The following LIMK2 variants were observed in gnomAD, a reference collection of about 807,000 sequenced individuals.
LIMK2 encodes LIM domain kinase 2.
Under a neutral mutation model 75.7 loss-of-function variants are expected in LIMK2, and 35 were observed. The observed-to-expected ratio is 0.46, with a 90% confidence interval of 0.35 to 0.61. The LOEUF (loss-of-function observed/expected upper bound fraction) is 0.61. LIMK2 is among the 20% of genes least tolerant of loss of function. LIMK2 has a pLI of 0.00. For missense variants in LIMK2, 623 were observed against 831.0 expected, an observed-to-expected ratio of 0.75 and a Z score of 3.08; for synonymous variants, 301 against 319.2, an observed-to-expected ratio of 0.94 and a Z score of 0.61.
chr22:31,262,652 C>T lies in LIMK2; in HGVS notation c.715C>T (p.Pro239Ser). Residue 239 changes from proline to serine, a missense_variant, in exon 7 of 16, where the codon CCC becomes TCC. Pro to Ser is a moderately conservative substitution (Grantham distance 74). Transcript: ENST00000331728. The surrounding 1 kb of genome is among the most constrained non-coding windows in gnomAD (Gnocchi z 5.0). ...QTLQLLIEHD[P>S]VSQRLDQLRL... The stretch of plus-strand genomic sequence containing the variant: ...ACTTCAGCTGTTGATTGAACATGAC[C>T]CCGTCTCCCAACGCCTGGACCAGCT... The T allele has an allele frequency of 1.9e-6, 3 of 1,614,156 alleles. No homozygotes were observed. Among genetic ancestry groups the T allele is most frequent in the Non-Finnish European group, 2.5e-6 (3 of 1,180,016 alleles).
chr22:31,262,715 G>A lies in LIMK2; in HGVS notation c.778G>A (p.Ala260Thr). Residue 260 changes from alanine (A) to threonine (T), a missense_variant, in exon 7 of 16, where the codon GCC becomes ACC. Ala to Thr is a moderately conservative substitution (Grantham distance 58). This residue lies in a region of LIMK2 where 514 missense variants were observed against 661.3 expected (regional missense o/e 0.78). Coordinates refer to ENST00000331728, the MANE Select transcript of LIMK2 (RefSeq NM_005569.4). This position sits in a 1 kb window ranked among gnomAD's most constrained non-coding sequence, Gnocchi z 5.0. The stretch of plus-strand genomic sequence containing the variant: ...CCGGCTCGCTCCTCACATGCAGAAT[G>A]CCGGACACCCCCACGCCCTCAGCAC... The part of the protein sequence containing the change: ...EARLAPHMQN[A>T]GHPHALSTLD... The A allele has an allele frequency of 1.2e-6, 2 of 1,614,204 alleles. No individual in the cohort carries two copies. The highest frequency in any genetic ancestry group is 1.7e-6 in the Non-Finnish European group (2 of 1,180,036).
At chr22:31,263,371 A>T (rs1340839323) in intron 7 of LIMK2, among the ~76,000 whole-genome samples, 2 of 152,190 alleles carry the variant, frequency 1.3e-5, no homozygotes, top group Non-Finnish European at 2.9e-5. Flanking sequence ...TCCTCCCTTC[A>T]CAAATCACTT....
At chr22:31,224,027 C>T (rs982800436) in intron 1 of LIMK2, among the ~76,000 whole-genome samples, 8 of 152,130 alleles carry the variant, frequency 5.3e-5, no homozygotes, top group Non-Finnish European at 1.0e-4. Context: ...AAACAGGGTT[C>T]GGTGACTGTC....
intron 2 of LIMK2, among the ~76,000 whole-genome samples, chr22:31,245,503 T>C (rs984367042): frequency 1.1e-4 from 16 of 152,176 alleles, no homozygotes; most frequent in Non-Finnish European, 2.9e-5. Flanking sequence ...GGTTTCTCCA[T>C]GTTGGTCAGG....
At chr22:31,215,245 C>A (rs2048380627) in intron 1 of LIMK2, among the ~76,000 whole-genome samples, 1 of 152,216 alleles carries the variant, frequency 6.6e-6, no homozygotes, top group African/African-American at 2.4e-5. Context: ...ATGAAGTTGA[C>A]TATGGAGTCT....
chr22:31,245,583 T>G (rs1405286985), intron 2 of LIMK2, among the ~76,000 whole-genome samples: 1 of 152,126 alleles, frequency 6.6e-6, no homozygotes, highest in Non-Finnish European at 1.5e-5. Flanking sequence ...ATTACAGGCG[T>G]GAGCCACCAT....
chr22:31,217,382 G>A, intron 1 of LIMK2, among the ~76,000 whole-genome samples: 1 of 151,300 alleles, frequency 6.6e-6, no homozygotes, highest in East Asian at 1.9e-4. Context: ...GGGTGACAGA[G>A]CGAGACTCCG....
intron 12 of LIMK2, among the ~76,000 whole-genome samples, chr22:31,271,511 TAAA>T (rs985303654): frequency 3.9e-5 from 6 of 152,220 alleles, no homozygotes; most frequent in African/African-American, 1.4e-4. Context: ...AGTAGTCTTG[TAAA>T]ACAGTTCATT....
chr22:31,261,815 C>T (rs369339243), intron 5 of LIMK2, among the ~76,000 whole-genome samples: 32 of 152,054 alleles, frequency 2.1e-4, no homozygotes, highest in Non-Finnish European at 2.9e-4. Flanking sequence ...AAGCTATTAC[C>T]GTGATCCAGG....
intron 2 of LIMK2, among the ~76,000 whole-genome samples, chr22:31,234,117 A>T (rs539776906): frequency 6.6e-5 from 10 of 151,974 alleles, no homozygotes; most frequent in Admixed American, 5.2e-4. Context: ...GGTTTAAGCA[A>T]TTCTCCTGCC....
chr22:31,275,126 A>G (rs1008532519), intron 14 of LIMK2, 25 bp from the exon 15 acceptor site: 3 of 1,612,752 alleles, frequency 1.9e-6, no homozygotes, highest in African/African-American at 2.7e-5. Flanking sequence ...AGTCCTTTGT[A>G]AACAGCTGTC....
At chr22:31,274,443 C>T (rs1658134776) in intron 14 of LIMK2, among the ~76,000 whole-genome samples, 1 of 152,140 alleles carries the variant, frequency 6.6e-6, no homozygotes, top group Admixed American at 6.5e-5. Context: ...CTCTGTCACC[C>T]AGGCTGGAGT....
chr22:31,213,235 A>C (rs548969167), intron 1 of LIMK2, among the ~76,000 whole-genome samples: 2 of 152,252 alleles, frequency 1.3e-5, no homozygotes, highest in East Asian at 1.9e-4. Context: ...GAGTTGGGTT[A>C]GTTGCACCTG....
In LIMK2 at chr22:31,212,378, T is replaced by A; in HGVS notation, c.-31T>A. On this transcript the variant is annotated 5_prime_UTR_variant, in exon 1 of 16. Transcript: ENST00000331728. ...GAGGGGAGCTGCTGTGTCCCCCGCC[T>A]CCTCCTCCCCATTTCCGCGCTCCCG... is the stretch of plus-strand genomic sequence containing the variant. 7.5e-7 allele frequency: 1 copy of A among 1,335,778 alleles called. No individual in the cohort carries two copies. The highest frequency in any genetic ancestry group is 9.7e-7 in the Non-Finnish European group (1 of 1,033,826). 82.7% of individuals were successfully genotyped at this position (1,335,778 alleles called of 1,614,324 possible).
intron 2 of LIMK2, among the ~76,000 whole-genome samples, chr22:31,244,415 A>G (rs2048648738): frequency 6.6e-6 from 1 of 152,164 alleles, no homozygotes; most frequent in African/African-American, 2.4e-5. Context: ...GGTGAGAAAT[A>G]GTTGTCTGTG....
intron 2 of LIMK2, among the ~76,000 whole-genome samples, chr22:31,243,511 C>G (rs2048641288): frequency 6.6e-6 from 1 of 152,202 alleles, no homozygotes; most frequent in African/African-American, 2.4e-5. Context: ...TGAACATTCA[C>G]TTGGGGCTGC....
chr22:31,235,742 A>G (rs752905420), intron 2 of LIMK2, among the ~76,000 whole-genome samples: 1 of 152,240 alleles, frequency 6.6e-6, no homozygotes, highest in Non-Finnish European at 1.5e-5. Context: ...GAATACTTGC[A>G]TAGTATCTTT....
chr22:31,261,422 T>C (rs5753529), intron 5 of LIMK2, among the ~76,000 whole-genome samples: 6,820 of 152,294 alleles, frequency 0.045, 566 homozygotes, highest in East Asian at 0.37. Context: ...GGCGGACGCC[T>C]GTAGTCCCAG....
intron 2 of LIMK2, among the ~76,000 whole-genome samples, chr22:31,230,937 C>T (rs1344081492): frequency 6.6e-6 from 1 of 152,170 alleles, no homozygotes; most frequent in Non-Finnish European, 1.5e-5. Flanking sequence ...AGACACCCTC[C>T]TGAGCATACG....
Sources: gnomAD v4.1 joint callset for allele counts (sites outside exome capture counted in the v4.1 genomes callset) on GRCh38, gnomAD v4.1.1 for gene constraint, gnomAD v4.1.1 regional missense constraint, Gnocchi (gnomAD v3.1) non-coding constraint, MANE v1.5 for transcripts, NCBI Gene and HGNC (gene_info 2026-07-23, HGNC 2026-07-21) for gene names.